Variants in DUSP14 observed in about 807,000 individuals in gnomAD.
DUSP14 encodes the protein dual specificity protein phosphatase 14.
DUSP14 carries 5 observed loss-of-function variants against 13.2 expected under a neutral mutation model. The observed-to-expected ratio is 0.38, with a 90% CI of 0.20 to 0.80. The LOEUF is 0.80. Among genes scored for constraint, DUSP14 ranks in the 30% least tolerant of loss-of-function variants. The probability of loss-of-function intolerance (pLI) is 0.44; values close to 1 mark genes in which losing one functional copy is unlikely to be tolerated. For missense variants in DUSP14, 185 were observed against 264.0 expected (o/e 0.70, Z 2.07); for synonymous variants, 91 against 103.4 (o/e 0.88, Z 0.73).
intron 1 of DUSP14, among the ~76,000 whole-genome samples, chr17:37,503,417 C>T (rs1422244004): frequency 7.9e-5 from 12 of 152,080 alleles, no homozygotes; most frequent in Non-Finnish European, 1.5e-5. Context: ...CAGAGGGAGA[C>T]CCTGTGTCAA....
intron 1 of DUSP14, among the ~76,000 whole-genome samples, chr17:37,492,346 A>G (rs2054034640): frequency 6.6e-6 from 1 of 152,264 alleles, no homozygotes; most frequent in Non-Finnish European, 1.5e-5. Flanking sequence ...AGGCCTGGGT[A>G]TAAACTTACA....
intron 1 of DUSP14, among the ~76,000 whole-genome samples, chr17:37,492,348 A>G (rs142838253): frequency 1.6e-3 from 241 of 152,370 alleles, no homozygotes; most frequent in African/African-American, 5.6e-3. Flanking sequence ...GCCTGGGTAT[A>G]AACTTACAGA....
intron 1 of DUSP14, among the ~76,000 whole-genome samples, chr17:37,504,051 A>C (rs1489955015): frequency 1.3e-5 from 2 of 152,110 alleles, no homozygotes; most frequent in Non-Finnish European, 2.9e-5. Context: ...AAAATTAGCC[A>C]GGTGTGGTGG....
chr17:37,512,552 G>T lies in DUSP14; in HGVS notation c.280G>T (p.Ala94Ser), dbSNP rs201942426. The T allele has an allele frequency of 1.2e-6, 2 of 1,614,188 alleles. No individual in the cohort carries two copies. Residue 94 changes from alanine (A) to serine (S), a missense_variant, in exon 3 of 3, where the codon GCT (alanine) becomes TCT (serine). Ala to Ser is a moderately conservative substitution (Grantham distance 99). Coordinates refer to ENST00000617516, the MANE Select transcript of DUSP14 (RefSeq NM_007026.4). The surrounding 1 kb of genome is among the most constrained non-coding windows in gnomAD (Gnocchi z 4.8). ...CATTGGACTGTACTTTGACACCGTG[G>T]CTGACAAGATCCACAGTGTGAGCAG... is the stretch of plus-strand genomic sequence containing the variant. ...APIGLYFDTV[A>S]DKIHSVSRKH...
rs533256343 is a variant in DUSP14 at position 37,511,585 on chromosome 17, C to CTTTTTTTTTTTTTTTT, written c.-92-593_-92-578dup. 4.8e-3 allele frequency among the ~76,000 whole-genome samples: 418 copies of CTTTTTTTTTTTTTTTT among 87,290 alleles called. 73 individuals carry two copies. The highest frequency in any genetic ancestry group is 0.02 in the African/African-American group (387 of 19,072). The allele number at this position is 87,290 out of a possible 152,430, so 57.3% of individuals were successfully genotyped here. On this transcript the variant is annotated intron_variant, in intron 2 of 2. Coordinates refer to ENST00000617516, the MANE Select transcript of DUSP14 (RefSeq NM_007026.4). The stretch of plus-strand genomic sequence containing the variant: ...CATGAGCTACCTCACCTGGCCTTTC[C>CTTTTTTTTTTTTTTTT]TTTTTTTTTTTTTTTTTTAGAAGCT...
At chr17:37,495,333 C>A (rs946204444) in intron 1 of DUSP14, among the ~76,000 whole-genome samples, 3 of 152,200 alleles carry the variant, frequency 2.0e-5, no homozygotes, top group Non-Finnish European at 4.4e-5. Flanking sequence ...GTTGGGTCAG[C>A]TTTTCACACC....
intron 1 of DUSP14, among the ~76,000 whole-genome samples, chr17:37,502,483 C>G (rs1389975307): frequency 1.3e-5 from 2 of 151,984 alleles, no homozygotes; most frequent in African/African-American, 4.8e-5. Flanking sequence ...TGCCCCTGGC[C>G]TAAAATGACT....
Position 37,512,938 on chromosome 17 carries a change from C to T in DUSP14, c.*69C>T, listed in dbSNP as rs2054203819. 1 of 1,311,992 alleles carries T rather than the reference C, an allele frequency of 7.6e-7. No individual in the cohort carries two copies. Among genetic ancestry groups the T allele is most frequent in the African/African-American group, 1.5e-5 (1 of 67,852 alleles). The allele number at this position is 1,311,992 out of a possible 1,614,324, so 81.3% of individuals were successfully genotyped here. ...TGCTCCCCGCCGTCTGCTCCCTCTC[C>T]ACTCTCTTCTCAAATGGCTGACTTC... On this transcript the variant is annotated 3_prime_UTR_variant, in exon 3 of 3. Transcript: ENST00000617516. This position sits in a 1 kb window ranked among gnomAD's most constrained non-coding sequence, Gnocchi z 4.8.
chr17:37,508,992 G>A (rs1452670969), intron 1 of DUSP14, among the ~76,000 whole-genome samples: 1 of 141,742 alleles, frequency 7.1e-6, no homozygotes, highest in Non-Finnish European at 1.5e-5. Context: ...ACAGAGTGTG[G>A]TGTATCTACA....
rs367775180 is a variant in DUSP14 at position 37,504,543 on chromosome 17, A to G, written c.-180-6134A>G. ...GTTGAGATGTTTTACCACAATTGCT[A>G]AAGCTTTCCAGGTGACAGAACAATT... On this transcript the variant is annotated intron_variant, in intron 1 of 2. Transcript: ENST00000617516. 6.6e-5 allele frequency among the ~76,000 whole-genome samples: 10 copies of G among 152,338 alleles called. No individual in the cohort carries two copies. In the South Asian group the frequency reaches 1.5e-3, roughly 22 times the overall value.
upstream of DUSP14, among the ~76,000 whole-genome samples, chr17:37,489,476 C>T (rs1472222924): frequency 6.6e-6 from 1 of 152,194 alleles, no homozygotes; most frequent in Non-Finnish European, 1.5e-5. Flanking sequence ...CCCGAGCCAC[C>T]CGCGGCGGCT....
rs1215830385 is a variant in DUSP14, at chr17:37,509,168, CTCTA to C, written c.-180-1507_-180-1504del. 1.5e-3 allele frequency among the ~76,000 whole-genome samples: 75 copies of C among 49,006 alleles called. 7 individuals carry two copies. Among genetic ancestry groups the C allele is most frequent in the African/African-American group, 4.2e-3 (53 of 12,552 alleles). The allele number at this position is 49,006 out of a possible 152,430, so 32.1% of individuals were successfully genotyped here. The stretch of plus-strand genomic sequence containing the variant: ...ACACACACACACACACACACACACA[CTCTA>C]TATATATATGTACTATGTATATGTG... On this transcript the variant is annotated intron_variant, in intron 1 of 2. Transcript: ENST00000617516.
At chr17:37,508,847 T>C (rs1287593344) in intron 1 of DUSP14, among the ~76,000 whole-genome samples, 1 of 148,580 alleles carries the variant, frequency 6.7e-6, no homozygotes, top group Non-Finnish European at 1.5e-5. Context: ...ACCCAGCCCT[T>C]CACTCCTGGG....
intron 1 of DUSP14, among the ~76,000 whole-genome samples, chr17:37,490,921 C>T (rs2054023888): frequency 6.6e-6 from 1 of 152,136 alleles, no homozygotes; most frequent in African/African-American, 2.4e-5. Flanking sequence ...CCCAGAGTCT[C>T]CTGGAATTCC....
intron 1 of DUSP14, among the ~76,000 whole-genome samples, chr17:37,495,935 G>T (rs1219260815): frequency 6.6e-6 from 1 of 152,156 alleles, no homozygotes; most frequent in Admixed American, 6.5e-5. Flanking sequence ...TGGGATTACA[G>T]GCATGAGCCA....
chr17:37,501,442 G>C (rs2054104673), intron 1 of DUSP14, among the ~76,000 whole-genome samples: 1 of 152,090 alleles, frequency 6.6e-6, no homozygotes, highest in African/African-American at 2.4e-5. Flanking sequence ...GATCACACTT[G>C]CTAAATGGTG....
intron 1 of DUSP14, among the ~76,000 whole-genome samples, chr17:37,504,994 C>T (rs1367258089): frequency 6.6e-6 from 1 of 152,156 alleles, no homozygotes; most frequent in Admixed American, 6.5e-5. Flanking sequence ...CGGGTTCAAG[C>T]GATTCTAGTG....
At position 37,512,645 on chromosome 17, in the gene DUSP14, T is replaced by C; in HGVS notation, c.373T>C (p.Tyr125His). 6.2e-7 allele frequency: 1 copy of C among 1,613,672 alleles called. No homozygotes were observed. Among genetic ancestry groups the C allele is most frequent in the Non-Finnish European group, 8.5e-7 (1 of 1,179,644 alleles). ...VSRSATLCIA[Y>H]LMKFHNVCLL... is the part of the protein sequence containing the mutation. Reference sequence around the variant, plus strand: ...CCGCTCAGCCACGCTGTGTATCGCGTACCTGATGAAATTCCACAACGTGTG... The same window carrying C: ...CCGCTCAGCCACGCTGTGTATCGCGCACCTGATGAAATTCCACAACGTGTG... Residue 125 changes from tyrosine to histidine, a missense_variant, in exon 3 of 3, where the codon TAC (tyrosine) becomes CAC (histidine). Coordinates refer to ENST00000617516, the MANE Select transcript of DUSP14 (RefSeq NM_007026.4). This position sits in a 1 kb window ranked among gnomAD's most constrained non-coding sequence, Gnocchi z 4.8.
rs78357303 is a variant in DUSP14, at chr17:37,512,863, G to A, written c.591G>A (p.Gly197=). Reference sequence around the variant, plus strand: ...CCCGACACCTGATGCCTTACTGGGGGATTTAGTGCCACTGAAGCCTGCGTC... The same window carrying A: ...CCCGACACCTGATGCCTTACTGGGGAATTTAGTGCCACTGAAGCCTGCGTC... ...KESRHLMPYW[G]I is the part of the protein sequence containing the mutation. Residue 197 remains glycine, a synonymous_variant, in exon 3 of 3, where the codon GGG becomes GGA. Transcript: ENST00000617516. This position sits in a 1 kb window ranked among gnomAD's most constrained non-coding sequence, Gnocchi z 4.8. 2,189 of 1,597,842 alleles carry A rather than the reference G, an allele frequency of 1.4e-3. 20 individuals carry two copies. In the African/African-American group the frequency reaches 0.025, roughly 18 times the overall value.
Sources: allele counts gnomAD v4.1 joint callset (sites outside exome capture counted in the v4.1 genomes callset), GRCh38; gene constraint gnomAD v4.1.1; non-coding constraint Gnocchi (gnomAD v3.1); transcripts MANE v1.5; gene names NCBI Gene and HGNC (gene_info 2026-07-23, HGNC 2026-07-21).